Variants in PKHD1L1 observed in about 807,000 individuals in gnomAD.
PKHD1L1 encodes PKHD1 like 1.
In PKHD1L1, 434 loss-of-function variants were observed where a neutral mutation model predicts 462.9. The ratio of observed to expected loss-of-function variants is 0.94; its 90% CI spans 0.87 to 1.02. The LOEUF is 1.02. Ranked by LOEUF, PKHD1L1 falls within the 50% of genes least tolerant of loss-of-function variation. The pLI, the probability that PKHD1L1 is intolerant of heterozygous loss-of-function variation, is 0.00. For synonymous variants in PKHD1L1, 1,781 were observed against 1,750.0 expected (o/e 1.02, Z -0.44); for missense variants, 5,202 against 5,096.1 (o/e 1.02, Z -0.63).
intron 23 of PKHD1L1, among the ~76,000 whole-genome samples, chr8:109,424,499 G>C (rs180748240): frequency 1.3e-5 from 2 of 151,994 alleles, no homozygotes; most frequent in East Asian, 3.9e-4. Context: ...ATAACTATAA[G>C]GTATCATCAA....
In PKHD1L1 at chr8:109,523,306, T is replaced by G; in HGVS notation, c.12404T>G (p.Val4135Gly). The G allele has an allele frequency of 6.2e-7, 1 of 1,612,216 alleles. No homozygotes were observed. Among genetic ancestry groups the G allele is most frequent in the Non-Finnish European group, 8.5e-7 (1 of 1,178,634 alleles). ...CTCAAGGACTCCAATAATAACCAAG[T>G]CAATGGCCTTAGTGGAAATACAACA... is the stretch of plus-strand genomic sequence containing the variant. ...AILKDSNNNQ[V>G]NGLSGNTTIP... The change falls in exon 76 of 78, where the codon GTC becomes GGC. Residue 4135 changes from valine to glycine, a missense_variant. This residue lies in a region of PKHD1L1 where 698 missense variants were observed against 736.3 expected (regional missense o/e 0.95). Transcript: ENST00000378402.
In PKHD1L1 at chr8:109,466,578, G is replaced by C. The variant is rs1389354452; in HGVS notation, c.8414G>C (p.Gly2805Ala). ...CATATTTTGTTTGTTTGTTTCCCAG[G>C]GCACAAAGGACATACCGTCATTCCA... Reference protein sequence around the residue: ...VMIDVDGSLTGHKGHTVIPHS... With the variant: ...VMIDVDGSLTAHKGHTVIPHS... The change falls in exon 50 of 78, where the codon GGG (glycine) becomes GCG (alanine). Residue 2805 changes from glycine to alanine, a missense_variant and splice_region_variant. Gly to Ala is a moderately conservative substitution (Grantham distance 60). Coordinates refer to ENST00000378402, the MANE Select transcript of PKHD1L1 (RefSeq NM_177531.6). 1.9e-6 allele frequency: 3 copies of C among 1,568,694 alleles called. No individual in the cohort carries two copies. Among genetic ancestry groups the C allele is most frequent in the Non-Finnish European group, 2.6e-6 (3 of 1,158,256 alleles).
In PKHD1L1 at chr8:109,373,481, G is replaced by C. The variant is rs186135691; in HGVS notation, c.164-7889G>C. Among the ~76,000 whole-genome samples the C allele has an allele frequency of 2.8e-4, 38 of 136,510 alleles. No homozygotes were observed. In the East Asian group the frequency reaches 9.1e-3, roughly 33 times the overall value. The allele number at this position is 136,510 out of a possible 152,430, so 89.6% of individuals were successfully genotyped here. On this transcript the variant is annotated intron_variant, in intron 2 of 77. Coordinates refer to ENST00000378402, the MANE Select transcript of PKHD1L1 (RefSeq NM_177531.6). The stretch of plus-strand genomic sequence containing the variant: ...CTCCTGGATTCAGTGATTTTTTGAA[G>C]GGTTTTTTGTGTCTCTATTTCCTTC...
At chr8:109,389,753 C>T (rs1475286059) in intron 8 of PKHD1L1, among the ~76,000 whole-genome samples, 1 of 152,104 alleles carries the variant, frequency 6.6e-6, no homozygotes, top group African/African-American at 2.4e-5. Context: ...GTCTCAAACT[C>T]CTGACTTCGG....
chr8:109,433,109 C>A lies in PKHD1L1; in HGVS notation c.3233C>A (p.Ser1078Tyr), dbSNP rs778230121. 1.2e-6 allele frequency: 2 copies of A among 1,602,790 alleles called. No individual in the cohort carries two copies. The highest frequency in any genetic ancestry group is 2.2e-5 in the South Asian group (2 of 89,854). ...TATTTAAATTGATCATTTTTAGGGT[C>A]CTATGAAGAAGGCACAATTCTAACC... ...LVLAISPSQG[S>Y]YEEGTILTIV... Residue 1078 changes from serine (S) to tyrosine (Y), a missense_variant, in exon 28 of 78, where the codon TCC (serine) becomes TAC (tyrosine). By Grantham distance (144) the Ser-to-Tyr change is moderately radical. This residue lies in a region of PKHD1L1 where 4,497 missense variants were observed against 4,336.8 expected (regional missense o/e 1.04). Coordinates refer to ENST00000378402, the MANE Select transcript of PKHD1L1 (RefSeq NM_177531.6).
chr8:109,443,778 TG>T lies in PKHD1L1; in HGVS notation c.4668del (p.Leu1556PhefsTer13), dbSNP rs1448195460. The T allele has an allele frequency of 1.9e-6, 3 of 1,613,768 alleles. No individual in the cohort carries two copies. The highest frequency in any genetic ancestry group is 2.5e-6 in the Non-Finnish European group (3 of 1,179,802). On this transcript the variant is annotated frameshift_variant, in exon 37 of 78. Transcript: ENST00000378402. LOFTEE classifies it high-confidence loss of function. ...ACCAGGGTTAAAAATTCAAAAAGAT[TG>T]CTATTTGAGGTTTCAAGTTGTTTTT... ...NNTRVKNSKR[L>X]LFEVSSCFSP...
chr8:109,420,938 T>G (rs968624691), intron 23 of PKHD1L1, among the ~76,000 whole-genome samples: 3 of 152,094 alleles, frequency 2.0e-5, no homozygotes, highest in Non-Finnish European at 4.4e-5. Context: ...GAGTTTTCTC[T>G]GTGGACGTAA....
In PKHD1L1 at chr8:109,510,319, C is replaced by A. The variant is rs531900540; in HGVS notation, c.11396-458C>A. Among the ~76,000 whole-genome samples, 22 of 152,246 alleles carry A rather than the reference C, an allele frequency of 1.4e-4. 1 individual carries two copies. The South Asian group carries it at 4.4e-3, about 30-fold the overall frequency. On this transcript the variant is annotated intron_variant, in intron 70 of 77. Coordinates refer to ENST00000378402, the MANE Select transcript of PKHD1L1 (RefSeq NM_177531.6). ...ACAGAGCCTATTGTTAACAAATTAA[C>A]TCTATTATAGCACATTTCCTAACAA...
chr8:109,481,090 T>C (rs1818249830), intron 55 of PKHD1L1, among the ~76,000 whole-genome samples: 1 of 151,940 alleles, frequency 6.6e-6, no homozygotes, highest in Non-Finnish European at 1.5e-5. Context: ...GCTCATAAAT[T>C]GCATAGCTTG....
At chr8:109,512,048 T>A (rs986196289) in intron 71 of PKHD1L1, among the ~76,000 whole-genome samples, 13 of 152,258 alleles carry the variant, frequency 8.5e-5, no homozygotes, top group East Asian at 5.8e-4. Context: ...GGTTGTTTGT[T>A]TTTTTCTTGT....
At chr8:109,481,610 A>G in intron 56 of PKHD1L1, 48 bp downstream of exon 56, 2 of 1,461,108 alleles carry the variant, frequency 1.4e-6, no homozygotes, top group South Asian at 1.5e-5. Context: ...TTAAGAATCT[A>G]CTTTAAAATA....
chr8:109,479,645 T>C lies in PKHD1L1; in HGVS notation c.9178+6T>C. On this transcript the variant is annotated splice_donor_region_variant and intron_variant, in intron 54 of 77. Transcript: ENST00000378402. The stretch of plus-strand genomic sequence containing the variant: ...AAATGTGATTATACCTGAAGGTAAA[T>C]GCGTAAACACAAATGAATGAAATGT... The C allele has an allele frequency of 6.9e-7, 1 of 1,454,996 alleles. No individual in the cohort carries two copies. The highest frequency in any genetic ancestry group is 1.2e-5 in the South Asian group (1 of 81,500). 90.1% of individuals were successfully genotyped at this position (1,454,996 alleles called of 1,614,324 possible).
In PKHD1L1 at chr8:109,515,255, T is replaced by C; in HGVS notation, c.11639T>C (p.Ile3880Thr). The C allele has an allele frequency of 6.2e-7, 1 of 1,603,678 alleles. No individual in the cohort carries two copies. ...TTATTGGTCTGTCCAAAAACTACAA[T>C]ATGGAATGCCCAGCAGAAACACTGT... ...NNLLVCPKTT[I>T]WNAQQKHCEL... The change falls in exon 72 of 78, where the codon ATA becomes ACA. Residue 3880 changes from isoleucine to threonine, a missense_variant. Transcript: ENST00000378402.
rs777812129 is a variant in PKHD1L1, at chr8:109,384,104, T to G, written c.452T>G (p.Ile151Ser). The G allele has an allele frequency of 6.2e-7, 1 of 1,611,512 alleles. No individual in the cohort carries two copies. The highest frequency in any genetic ancestry group is 8.5e-7 in the Non-Finnish European group (1 of 1,177,946). Reference protein sequence around the residue: ...KSFRTPTIRSITPLSGTPGTL... With the variant: ...KSFRTPTIRSSTPLSGTPGTL... ...TTTAGAACCCCAACAATAAGAAGCA[T>G]CACACCTTTATCTGGAACTCCAGGT... Residue 151 changes from isoleucine to serine, a missense_variant, in exon 5 of 78, where the codon ATC (isoleucine) becomes AGC (serine). Ile to Ser is a moderately radical substitution (Grantham distance 142, BLOSUM62 -2). Around this residue, in one of 3 missense-constraint regions of PKHD1L1, gnomAD observed 4,497 missense variants for 4,336.8 expected, o/e 1.04. Coordinates refer to ENST00000378402, the MANE Select transcript of PKHD1L1 (RefSeq NM_177531.6).
intron 6 of PKHD1L1, among the ~76,000 whole-genome samples, chr8:109,387,344 G>T (rs1812492989): frequency 6.6e-6 from 1 of 152,138 alleles, no homozygotes; most frequent in African/African-American, 2.4e-5. Flanking sequence ...CAAATAGGGT[G>T]GTTTTACTCT....
rs1200328655 is a variant in PKHD1L1, at chr8:109,428,953, G to A, written c.3001-387G>A. Reference sequence around the variant, plus strand: ...AAAGTTGACTCTCAGATAGAAAGATGACTCAATTTTTCAATTATTTAAGAA... The same window carrying A: ...AAAGTTGACTCTCAGATAGAAAGATAACTCAATTTTTCAATTATTTAAGAA... On this transcript the variant is annotated intron_variant, in intron 25 of 77. Transcript: ENST00000378402. 3.3e-5 allele frequency among the ~76,000 whole-genome samples: 5 copies of A among 152,206 alleles called. No homozygotes were observed. The South Asian group carries it at 8.3e-4, about 25-fold the overall frequency.
chr8:109,404,837 A>T, intron 15 of PKHD1L1, 124 bp downstream of exon 15: 1 of 1,187,990 alleles, frequency 8.4e-7, no homozygotes, highest in East Asian at 2.7e-5. Flanking sequence ...CAATTATTAA[A>T]TTATGACTTT....
intron 50 of PKHD1L1, among the ~76,000 whole-genome samples, chr8:109,468,064 A>T (rs1266697680): frequency 1.3e-5 from 2 of 152,090 alleles, no homozygotes; most frequent in Non-Finnish European, 2.9e-5. Context: ...ATATTTACAA[A>T]GTAGAGACTT....
At chr8:109,377,571 A>G (rs539008304) in intron 2 of PKHD1L1, among the ~76,000 whole-genome samples, 2 of 152,196 alleles carry the variant, frequency 1.3e-5, no homozygotes, top group South Asian at 4.1e-4. Flanking sequence ...GAGAAAAATA[A>G]TATTTAAAAA....
Sources: allele counts gnomAD v4.1 joint callset (sites outside exome capture counted in the v4.1 genomes callset), GRCh38; gene constraint gnomAD v4.1.1; regional missense constraint gnomAD v4.1.1; transcripts MANE v1.5; gene names NCBI Gene and HGNC (gene_info 2026-07-23, HGNC 2026-07-21).